GREB1L: variants seen among roughly 807,000 people sequenced by gnomAD.
GREB1L encodes the protein GREB1-like protein.
GREB1L carries 17 observed loss-of-function variants against 200.8 expected under a neutral mutation model. The ratio of observed to expected loss-of-function variants is 0.08; its 90% CI spans 0.06 to 0.13. The LOEUF is 0.13. GREB1L is among the 10% of genes least tolerant of loss of function. The probability of loss-of-function intolerance (pLI) is 1.00; values close to 1 mark genes in which losing one functional copy is unlikely to be tolerated. For synonymous variants in GREB1L, 789 were observed against 893.0 expected (o/e 0.88, Z 2.08); for missense variants, 1,657 against 2,367.7 (o/e 0.70, Z 6.23).
At chr18:21,471,990 T>G (rs529724973) in intron 15 of GREB1L, among the ~76,000 whole-genome samples, 2 of 152,344 alleles carry the variant, frequency 1.3e-5, no homozygotes, top group Non-Finnish European at 1.5e-5. Flanking sequence ...TTTGGAAATA[T>G]TCACAGCAAA....
rs540553088 is a variant in GREB1L, at chr18:21,429,996, C to T, written c.833-9525C>T. On this transcript the variant is annotated intron_variant, in intron 7 of 32. Transcript: ENST00000424526. ...CCTCTCTCCTTGACTTGCAGATGAC[C>T]GTCTTCTTGCTGTGTCCTCACGTGG... is the stretch of plus-strand genomic sequence containing the variant. Among the ~76,000 whole-genome samples, 7 of 152,198 alleles carry T rather than the reference C, an allele frequency of 4.6e-5. No homozygotes were observed. In the South Asian group the frequency reaches 6.2e-4, roughly 14 times the overall value.
At chr18:21,456,836 G>A (rs577188394) in intron 15 of GREB1L, among the ~76,000 whole-genome samples, 21 of 152,204 alleles carry the variant, frequency 1.4e-4, no homozygotes, top group African/African-American at 5.1e-4. Flanking sequence ...TCCAGTATGG[G>A]GAGTGGGTTG....
intron 1 of GREB1L, among the ~76,000 whole-genome samples, chr18:21,246,002 G>GT (rs1197978590): frequency 6.6e-6 from 1 of 152,186 alleles, no homozygotes; most frequent in Admixed American, 6.5e-5. Flanking sequence ...GATTACAGGC[G>GT]TGAGCCACCA....
At chr18:21,280,432 T>C (rs1377093650) in intron 1 of GREB1L, among the ~76,000 whole-genome samples, 3 of 151,984 alleles carry the variant, frequency 2.0e-5, no homozygotes, top group African/African-American at 7.2e-5. Context: ...ATGGTGTGGA[T>C]GTACCACAGT....
intron 1 of GREB1L, among the ~76,000 whole-genome samples, chr18:21,276,874 A>G (rs184749515): frequency 2.6e-4 from 38 of 147,236 alleles, no homozygotes; most frequent in Admixed American, 6.1e-4. Flanking sequence ...TGGATCCTCC[A>G]TTTCTCACCA....
At chr18:21,355,838 A>AT (rs893662270) in intron 1 of GREB1L, among the ~76,000 whole-genome samples, 6 of 152,072 alleles carry the variant, frequency 3.9e-5, no homozygotes, top group Admixed American at 3.9e-4. Flanking sequence ...TCTTGAAAAG[A>AT]TTTTTTTCTT....
At chr18:21,335,106 A>G (rs753631535) in intron 1 of GREB1L, among the ~76,000 whole-genome samples, 24 of 152,330 alleles carry the variant, frequency 1.6e-4, no homozygotes, top group South Asian at 4.1e-4. Context: ...TGTACCTAAC[A>G]TATTTTACTG....
At chr18:21,249,686 C>T (rs2037668327) in intron 1 of GREB1L, among the ~76,000 whole-genome samples, 1 of 151,424 alleles carries the variant, frequency 6.6e-6, no homozygotes, top group East Asian at 1.9e-4. Context: ...GAAACCCTGT[C>T]TCTACTAAAA....
chr18:21,274,498 C>A (rs1054409502), intron 1 of GREB1L, among the ~76,000 whole-genome samples: 6 of 152,168 alleles, frequency 3.9e-5, no homozygotes, highest in Non-Finnish European at 5.9e-5. Flanking sequence ...GCAGTCTCCA[C>A]TTCCCAGGCT....
intron 22 of GREB1L, 32 bp from the exon 23 acceptor site, chr18:21,500,508 C>T (rs1049360874): frequency 7.0e-6 from 10 of 1,433,896 alleles, no homozygotes; most frequent in Non-Finnish European, 9.6e-6. Context: ...TTCCCGCCTC[C>T]ACTCCTCCCC....
At chr18:21,303,642 CTT>C (rs2038654042) in intron 1 of GREB1L, among the ~76,000 whole-genome samples, 1 of 152,188 alleles carries the variant, frequency 6.6e-6, no homozygotes, top group Non-Finnish European at 1.5e-5. Flanking sequence ...CTGATTATGA[CTT>C]TGCCACTTCC....
intron 2 of GREB1L, chr18:21,380,333 G>C (rs544659353): frequency 6.6e-6 from 1 of 152,322 alleles, no homozygotes; most frequent in East Asian, 1.9e-4. Context: ...CTCATGAGTG[G>C]GCACGCTGGG....
rs764822745 is a variant in GREB1L, at chr18:21,441,454, C to T, written c.1124C>T (p.Pro375Leu). Residue 375 changes from proline (P) to leucine (L), a missense_variant, in exon 10 of 33, where the codon CCC (proline) becomes CTC (leucine). This residue lies in a region of GREB1L where 289 missense variants were observed against 345.1 expected (regional missense o/e 0.84). Coordinates refer to ENST00000424526, the MANE Select transcript of GREB1L (RefSeq NM_001142966.3). The part of the protein sequence containing the change: ...PQTPLTGILQ[P>L]RPIPAGETVI... Reference sequence around the variant, plus strand: ...ACCCCACTAACTGGAATTTTACAACCCAGGCCCATTCCTGCAGGGGAAACT... The same window carrying T: ...ACCCCACTAACTGGAATTTTACAACTCAGGCCCATTCCTGCAGGGGAAACT... 4 of 1,551,524 alleles carry T rather than the reference C, an allele frequency of 2.6e-6. No individual in the cohort carries two copies. Among genetic ancestry groups the T allele is most frequent in the Non-Finnish European group, 2.6e-6 (3 of 1,146,860 alleles).
intron 7 of GREB1L, among the ~76,000 whole-genome samples, chr18:21,429,590 G>C (rs1281488662): frequency 6.6e-6 from 1 of 152,002 alleles, no homozygotes; most frequent in Non-Finnish European, 1.5e-5. Flanking sequence ...GAAAAAATTT[G>C]AGAAAGCATG....
intron 15 of GREB1L, among the ~76,000 whole-genome samples, chr18:21,456,248 A>G (rs2145492830): frequency 6.6e-6 from 1 of 152,312 alleles, no homozygotes; most frequent in Non-Finnish European, 1.5e-5. Flanking sequence ...AGCCAGTGTC[A>G]GAAGACCACA....
At chr18:21,521,522 G>A (rs1336453439) in intron 32 of GREB1L, among the ~76,000 whole-genome samples, 1 of 152,170 alleles carries the variant, frequency 6.6e-6, no homozygotes, top group Non-Finnish European at 1.5e-5. Context: ...TGCGGGGACT[G>A]TGCATTCATT....
At chr18:21,520,881 C>G in intron 32 of GREB1L, 58 bp downstream of exon 32, 1 of 1,425,452 alleles carries the variant, frequency 7.0e-7, no homozygotes, top group Non-Finnish European at 9.4e-7. Flanking sequence ...GAGCAAAATA[C>G]AGAAGATAAA....
At chr18:21,358,120 T>C (rs915730256) in intron 1 of GREB1L, among the ~76,000 whole-genome samples, 3 of 152,224 alleles carry the variant, frequency 2.0e-5, no homozygotes, top group African/African-American at 7.2e-5. Context: ...TTTATTTGTG[T>C]CTTCAATTAA....
intron 1 of GREB1L, among the ~76,000 whole-genome samples, chr18:21,244,984 C>T (rs1467910559): frequency 2.6e-5 from 4 of 152,138 alleles, no homozygotes; most frequent in East Asian, 1.9e-4. Context: ...ATGAACATCC[C>T]TTATAGCTAA....
Sources: gnomAD v4.1 joint callset for allele counts (sites outside exome capture counted in the v4.1 genomes callset) on GRCh38, gnomAD v4.1.1 for gene constraint, gnomAD v4.1.1 regional missense constraint, MANE v1.5 for transcripts, NCBI Gene and HGNC (gene_info 2026-07-23, HGNC 2026-07-21) for gene names.